Variants in MYBPC1 observed in about 807,000 individuals in gnomAD.
MYBPC1 encodes myosin binding protein C1.
MYBPC1 carries 52 observed loss-of-function variants against 147.1 expected under a neutral mutation model. The ratio of observed to expected loss-of-function variants is 0.35; its 90% CI spans 0.28 to 0.45. The LOEUF (loss-of-function observed/expected upper bound fraction) is 0.45, where lower values mean the gene tolerates loss of function less well. Among genes scored for constraint, MYBPC1 ranks in the 20% least tolerant of loss-of-function variants. The pLI, the probability that MYBPC1 is intolerant of heterozygous loss-of-function variation, is 1.00. For missense variants in MYBPC1, 1,228 were observed against 1,440.3 expected, an observed-to-expected ratio of 0.85 and a Z score of 2.39; for synonymous variants, 477 against 475.9, an observed-to-expected ratio of 1.00 and a Z score of -0.03.
chr12:101,686,955 G>T (rs1235214395), downstream of MYBPC1, among the ~76,000 whole-genome samples: 1 of 151,984 alleles, frequency 6.6e-6, no homozygotes, highest in Admixed American at 6.6e-5. Flanking sequence ...AAGAACATTG[G>T]CTATCACCCC....
chr12:101,632,689 A>C (rs989886121), intron 8 of MYBPC1, among the ~76,000 whole-genome samples: 2 of 152,218 alleles, frequency 1.3e-5, no homozygotes, highest in Non-Finnish European at 2.9e-5. Context: ...ACTTAAGGTG[A>C]ATGTAAAGTG....
chr12:101,680,193 G>C (rs1453398288), intron 28 of MYBPC1, 150 bp from the exon 29 acceptor site: 2 of 774,676 alleles, frequency 2.6e-6, no homozygotes, highest in Admixed American at 4.3e-5. Context: ...AGAGTTTAAT[G>C]TGAGAAATAG....
At position 101,678,271 on chromosome 12, in the gene MYBPC1, C is replaced by G. The variant is rs755402020; in HGVS notation, c.3246+33C>G. On this transcript the variant is annotated intron_variant, in intron 28 of 31. Coordinates refer to ENST00000361466, the MANE Select transcript of MYBPC1 (RefSeq NM_002465.4). ...GTTCTTCTATCACATCAGTTAAAGT[C>G]CCTGTCTTGTATTTGTTGTGTTATA... 38 of 1,610,660 alleles carry G rather than the reference C, an allele frequency of 2.4e-5. No homozygotes were observed. The South Asian group carries it at 3.8e-4, about 16-fold the overall frequency.
intron 1 of MYBPC1, among the ~76,000 whole-genome samples, chr12:101,603,419 G>A (rs147257282): frequency 2.4e-4 from 36 of 152,076 alleles, no homozygotes; most frequent in African/African-American, 7.7e-4. Flanking sequence ...CTCAGTCTGC[G>A]CTTTCCTGAG....
At chr12:101,615,806 A>C (rs542936126) in intron 2 of MYBPC1, among the ~76,000 whole-genome samples, 35 of 152,016 alleles carry the variant, frequency 2.3e-4, no homozygotes, top group African/African-American at 8.4e-4. Flanking sequence ...CTCAGTTTCT[A>C]ATCATCTTTT....
In MYBPC1 at chr12:101,625,837, G is replaced by A. The variant is rs1023136901; in HGVS notation, c.104-1035G>A. 6.6e-5 allele frequency among the ~76,000 whole-genome samples: 10 copies of A among 152,156 alleles called. No individual in the cohort carries two copies. The East Asian group carries it at 1.5e-3, about 24-fold the overall frequency. On this transcript the variant is annotated intron_variant, in intron 3 of 31. Transcript: ENST00000361466. ...GCGGTGGCTCACGCCTGTAATCCCA[G>A]CACTTTGGGAGGCCGAGGCGGGTGG...
intron 18 of MYBPC1, among the ~76,000 whole-genome samples, chr12:101,656,455 A>T (rs1266200670): frequency 6.6e-6 from 1 of 152,208 alleles, no homozygotes; most frequent in East Asian, 1.9e-4. Flanking sequence ...ACTATAAGAA[A>T]CCCAGTTTAA....
chr12:101,603,868 C>A (rs1303052030), intron 1 of MYBPC1, among the ~76,000 whole-genome samples: 1 of 152,132 alleles, frequency 6.6e-6, no homozygotes, highest in African/African-American at 2.4e-5. Context: ...GCCCAGGAGG[C>A]TGCAATGAGC....
chr12:101,598,890 G>C (rs1160994253), intron 1 of MYBPC1, among the ~76,000 whole-genome samples: 2 of 152,130 alleles, frequency 1.3e-5, no homozygotes, highest in Non-Finnish European at 2.9e-5. Flanking sequence ...CCTATTAACT[G>C]TCAGATACTA....
intron 1 of MYBPC1, among the ~76,000 whole-genome samples, chr12:101,595,307 G>A (rs1876761087): frequency 1.3e-5 from 2 of 152,106 alleles, no homozygotes; most frequent in African/African-American, 2.4e-5. Context: ...AGTTTCTAAA[G>A]GGATATTGAC....
chr12:101,614,321 TGTGTGA>T (rs1005589211), intron 1 of MYBPC1, among the ~76,000 whole-genome samples, 169 bp from the exon 2 acceptor site: 1 of 149,562 alleles, frequency 6.7e-6, no homozygotes, highest in African/African-American at 2.5e-5. Flanking sequence ...TGTGTGTGTG[TGTGTGA>T]GAGAGAGAGA....
At chr12:101,662,567 C>T (rs778154894) in intron 21 of MYBPC1, 21 bp downstream of exon 21, 13 of 1,611,692 alleles carry the variant, frequency 8.1e-6, no homozygotes, top group East Asian at 2.2e-5. Context: ...AGAGATGAGT[C>T]TTTGTCATCA....
At chr12:101,643,953 C>T (rs1025408756) in intron 11 of MYBPC1, among the ~76,000 whole-genome samples, 1 of 152,094 alleles carries the variant, frequency 6.6e-6, no homozygotes, top group East Asian at 1.9e-4. Context: ...GTTAAAAAAC[C>T]ATCTGTGACT....
intron 28 of MYBPC1, among the ~76,000 whole-genome samples, chr12:101,678,902 C>G (rs143791275): frequency 4.7e-4 from 71 of 152,290 alleles, no homozygotes; most frequent in African/African-American, 1.7e-3. Flanking sequence ...TGGCTCATGC[C>G]TGTAATCCGA....
chr12:101,596,038 C>T (rs1382376888), intron 1 of MYBPC1, among the ~76,000 whole-genome samples: 1 of 151,074 alleles, frequency 6.6e-6, no homozygotes, highest in Non-Finnish European at 1.5e-5. Flanking sequence ...TTTATTTTTC[C>T]CTTCTGCAAA....
At position 101,632,020 on chromosome 12, in the gene MYBPC1, G is replaced by C; in HGVS notation, c.439-1G>C. On this transcript the variant is annotated splice_acceptor_variant, in intron 7 of 31. Coordinates refer to ENST00000361466, the MANE Select transcript of MYBPC1 (RefSeq NM_002465.4). LOFTEE classifies it high-confidence loss of function. The stretch of plus-strand genomic sequence containing the variant: ...GTGTGTCTGGATGCATTTCATTGCA[G>C]GTGTACACATTTGAGATGCAGATCA... 1 of 1,603,522 alleles carries C rather than the reference G, an allele frequency of 6.2e-7. No homozygotes were observed. Among genetic ancestry groups the C allele is most frequent in the Non-Finnish European group, 8.5e-7 (1 of 1,170,334 alleles).
At chr12:101,693,789 G>A in the MYBPC1 span, among the ~76,000 whole-genome samples, 3 of 152,118 alleles carry the variant, frequency 2.0e-5, no homozygotes, top group African/African-American at 7.2e-5. Flanking sequence ...AGCTGGGCAG[G>A]TGGCTGTCTG....
Position 101,651,319 on chromosome 12 carries a change from C to T in MYBPC1, c.1452C>T (p.Asn484=). ...EICLKCEISE[N]IPGKWTKNGL... is the part of the protein sequence containing the mutation. ...GCCTGAAGTGTGAAATCTCTGAAAA[C>T]ATACCAGGAAAATGGACTAAAAATG... The change falls in exon 16 of 32, where the codon AAC becomes AAT. Residue 484 remains asparagine, a synonymous_variant. Coordinates refer to ENST00000361466, the MANE Select transcript of MYBPC1 (RefSeq NM_002465.4). The T allele has an allele frequency of 4.3e-6, 7 of 1,614,112 alleles. No homozygotes were observed. The highest frequency in any genetic ancestry group is 5.9e-6 in the Non-Finnish European group (7 of 1,179,978).
chr12:101,676,667 A>G (rs952445548), intron 26 of MYBPC1, among the ~76,000 whole-genome samples: 3 of 152,082 alleles, frequency 2.0e-5, no homozygotes, highest in African/African-American at 7.2e-5. Flanking sequence ...GAAAGGGTCT[A>G]TTGAGCCCGG....
Sources: allele counts gnomAD v4.1 joint callset (sites outside exome capture counted in the v4.1 genomes callset), GRCh38; gene constraint gnomAD v4.1.1; transcripts MANE v1.5; gene names NCBI Gene and HGNC (gene_info 2026-07-23, HGNC 2026-07-21).